Variants in ASCC3 observed in about 807,000 individuals in gnomAD.
The protein encoded by ASCC3 is activating signal cointegrator 1 complex subunit 3, also known as ASC-1 complex subunit P200.
A neutral mutation model predicts 256.3 loss-of-function variants in ASCC3; 158 were observed. The observed-to-expected ratio is 0.62, with a 90% confidence interval of 0.54 to 0.70. The LOEUF (loss-of-function observed/expected upper bound fraction) is 0.70, where lower values mean the gene tolerates loss of function less well. Ranked by LOEUF, ASCC3 falls within the 30% of genes least tolerant of loss-of-function variation. ASCC3 has a pLI of 0.00. For synonymous variants in ASCC3, 948 were observed against 883.4 expected, an observed-to-expected ratio of 1.07 and a Z score of -1.30; for missense variants, 2,259 against 2,626.0, an observed-to-expected ratio of 0.86 and a Z score of 3.05.
intron 34 of ASCC3, 112 bp downstream of exon 34, chr6:100,601,698 A>T: frequency 8.0e-7 from 1 of 1,252,344 alleles, no homozygotes; most frequent in Non-Finnish European, 1.1e-6. Context: ...ATATACCTAG[A>T]ATCTCCAAAG....
intron 10 of ASCC3, among the ~76,000 whole-genome samples, chr6:100,755,011 C>A (rs1294172289): frequency 2.0e-5 from 3 of 152,004 alleles, no homozygotes; most frequent in Non-Finnish European, 2.9e-5. Context: ...ACCTCTTTTT[C>A]TTTATAAATT....
At chr6:100,581,334 G>A (rs1022061275) in intron 36 of ASCC3, among the ~76,000 whole-genome samples, 1 of 152,230 alleles carries the variant, frequency 6.6e-6, no homozygotes, top group African/African-American at 2.4e-5. Flanking sequence ...GATGGCCAGT[G>A]ATGGTGAGCA....
At chr6:100,641,957 C>G (rs1006963842) in intron 24 of ASCC3, among the ~76,000 whole-genome samples, 3 of 146,094 alleles carry the variant, frequency 2.1e-5, no homozygotes, top group African/African-American at 7.6e-5. Context: ...GGTGGGAATT[C>G]AACAATGAGA....
intron 36 of ASCC3, among the ~76,000 whole-genome samples, chr6:100,560,346 G>C (rs1415508324): frequency 6.6e-6 from 1 of 152,134 alleles, no homozygotes; most frequent in Non-Finnish European, 1.5e-5. Context: ...ATTTGGATTT[G>C]AGCTACTTAA....
At chr6:100,687,026 T>TCACA (rs1489836127) in intron 13 of ASCC3, among the ~76,000 whole-genome samples, 7 of 73,168 alleles carry the variant, frequency 9.6e-5, no homozygotes, top group Admixed American at 3.2e-4. Flanking sequence ...TCTCTCTCTC[T>TCACA]CTCTCTCTCA....
chr6:100,743,399 G>A (rs1780524876), intron 10 of ASCC3, among the ~76,000 whole-genome samples: 4 of 152,116 alleles, frequency 2.6e-5, no homozygotes, highest in African/African-American at 9.7e-5. Context: ...TCGGCCATAA[G>A]CTGATTCTTG....
chr6:100,598,591 T>C (rs1264090174), intron 34 of ASCC3, among the ~76,000 whole-genome samples: 1 of 152,150 alleles, frequency 6.6e-6, no homozygotes, highest in Non-Finnish European at 1.5e-5. Flanking sequence ...CATAATATTA[T>C]AAAATAGAAG....
chr6:100,765,457 T>C (rs755034997), intron 10 of ASCC3, among the ~76,000 whole-genome samples: 5 of 152,194 alleles, frequency 3.3e-5, no homozygotes, highest in Non-Finnish European at 5.9e-5. Flanking sequence ...ATCGGCATGA[T>C]AAAACCTTGG....
At position 100,590,011 on chromosome 6, in the gene ASCC3, C is replaced by T. The variant is rs1582511969; in HGVS notation, c.5352G>A (p.Leu1784=). Residue 1784 remains leucine, a synonymous_variant, in exon 35 of 42, where the codon CTG becomes CTA. Coordinates refer to ENST00000369162, the MANE Select transcript of ASCC3 (RefSeq NM_006828.4). ...TCAGGGACTTCTCAATCAGATGGGA[C>T]AGAAACTTGTTCACAGAATCATGGC... The part of the protein sequence containing the change: ...DVSHDSVNKF[L]SHLIEKSLIE... 6.2e-7 allele frequency: 1 copy of T among 1,613,632 alleles called. No individual in the cohort carries two copies. Among genetic ancestry groups the T allele is most frequent in the Non-Finnish European group, 8.5e-7 (1 of 1,179,700 alleles).
At chr6:100,588,765 G>A (rs1771836832) in intron 36 of ASCC3, among the ~76,000 whole-genome samples, 1 of 152,036 alleles carries the variant, frequency 6.6e-6, no homozygotes. Context: ...AACTGTGAAT[G>A]GGATATTGAA....
chr6:100,555,575 G>A (rs1769530025), intron 36 of ASCC3, among the ~76,000 whole-genome samples: 1 of 152,124 alleles, frequency 6.6e-6, no homozygotes, highest in Admixed American at 6.6e-5. Context: ...CAAGTGGTAA[G>A]AATTCCATCA....
chr6:100,513,593 AT>A lies in ASCC3; in HGVS notation c.6076-676del, dbSNP rs1165280929. Among the ~76,000 whole-genome samples the A allele has an allele frequency of 8.5e-5, 13 of 152,320 alleles. No homozygotes were observed. In the East Asian group the frequency reaches 2.5e-3, roughly 29 times the overall value. On this transcript the variant is annotated intron_variant, in intron 39 of 41. Transcript: ENST00000369162. ...TTCAGAAAAAAATTCTTTATATTTT[AT>A]ATCATAAGGAATTCTATAAGTCTAG...
intron 16 of ASCC3, among the ~76,000 whole-genome samples, chr6:100,660,206 G>C (rs921935131): frequency 6.6e-6 from 1 of 151,580 alleles, no homozygotes; most frequent in African/African-American, 2.4e-5. Flanking sequence ...TCTAGGTTTA[G>C]AGTTAAATAG....
intron 4 of ASCC3, among the ~76,000 whole-genome samples, chr6:100,822,275 G>A (rs1025677460): frequency 3.3e-5 from 5 of 152,102 alleles, no homozygotes; most frequent in Non-Finnish European, 7.4e-5. Flanking sequence ...AGTGGCTCAC[G>A]CCTGTAATCC....
chr6:100,727,670 CAACAACAACAAA>C lies in ASCC3; in HGVS notation c.1738-1979_1738-1968del, dbSNP rs1424581764. On this transcript the variant is annotated intron_variant, in intron 10 of 41. Transcript: ENST00000369162. ...TTTGTAACAACAACAACAACAACAA[CAACAACAACAAA>C]AAAGGGTCTAAATATGTTTTATTCA... Among the ~76,000 whole-genome samples the C allele has an allele frequency of 2.2e-4, 33 of 148,884 alleles. No individual in the cohort carries two copies. In the South Asian group the frequency reaches 5.8e-3, roughly 26 times the overall value.
At chr6:100,605,793 TAAC>T (rs1342644916) in intron 32 of ASCC3, 93 bp from the exon 33 acceptor site, 2 of 1,370,586 alleles carry the variant, frequency 1.5e-6, no homozygotes, top group Middle Eastern at 1.8e-4. Flanking sequence ...ATCAACCAAA[TAAC>T]AAAAGAAATA....
chr6:100,605,298 T>A (rs1040957330), intron 33 of ASCC3, among the ~76,000 whole-genome samples: 1 of 152,152 alleles, frequency 6.6e-6, no homozygotes, highest in African/African-American at 2.4e-5. Context: ...ATCAAGCAAG[T>A]AAATGGTAGA....
rs146081645 is a variant in ASCC3 at position 100,633,679 on chromosome 6, A to C, written c.4123-2466T>G. On this transcript the variant is annotated intron_variant, in intron 25 of 41. Transcript: ENST00000369162. ...TCAGGAGTTTCAGACCAGCCTGATC[A>C]ACATGGAGAAACCCCGTCACTACTA... Among the ~76,000 whole-genome samples, 562 of 151,626 alleles carry C rather than the reference A, an allele frequency of 3.7e-3. 1 individual carries two copies. The highest frequency in any genetic ancestry group is 0.013 in the African/African-American group (546 of 41,288).
At chr6:100,551,590 G>A (rs989579566) in intron 36 of ASCC3, among the ~76,000 whole-genome samples, 12 of 151,942 alleles carry the variant, frequency 7.9e-5, no homozygotes, top group African/African-American at 2.9e-4. Flanking sequence ...TTGATAGTGA[G>A]TCATAATCCA....
Sources: allele counts gnomAD v4.1 joint callset (sites outside exome capture counted in the v4.1 genomes callset), GRCh38; gene constraint gnomAD v4.1.1; transcripts MANE v1.5; gene names NCBI Gene and HGNC (gene_info 2026-07-23, HGNC 2026-07-21).